The following EDC3 variants were observed in gnomAD, a reference collection of about 807,000 sequenced individuals.
The protein encoded by EDC3 is enhancer of mRNA decapping 3.
A neutral mutation model predicts 41.8 loss-of-function variants in EDC3; 20 were observed. The ratio of observed to expected loss-of-function variants is 0.48; its 90% confidence interval spans 0.34 to 0.70. The LOEUF (loss-of-function observed/expected upper bound fraction) is 0.70, where lower values mean the gene tolerates loss of function less well. EDC3 is among the 30% of genes least tolerant of loss of function. The pLI is 0.01. For synonymous variants in EDC3, 206 were observed against 243.2 expected (o/e 0.85, Z 1.42); for missense variants, 444 against 636.8 (o/e 0.70, Z 3.26).
intron 4 of EDC3, among the ~76,000 whole-genome samples, chr15:74,651,491 G>C (rs925849503): frequency 6.6e-6 from 1 of 152,250 alleles, no homozygotes; most frequent in Admixed American, 6.5e-5. Context: ...GCCAAGAGGA[G>C]TATGAGCAAT....
intron 1 of EDC3, among the ~76,000 whole-genome samples, chr15:74,690,365 C>A (rs140034217): frequency 6.6e-6 from 1 of 152,012 alleles, no homozygotes; most frequent in Non-Finnish European, 1.5e-5. Context: ...AGTCAGGTAG[C>A]GCTAAACACT....
chr15:74,635,039 C>G (rs2062254237), intron 6 of EDC3: 1 of 472,366 alleles, frequency 2.1e-6, no homozygotes, highest in South Asian at 1.5e-5. Context: ...TGTTTTTATC[C>G]ACATCACTTA....
chr15:74,679,354 T>A (rs1567178554), intron 1 of EDC3, among the ~76,000 whole-genome samples: 1 of 152,028 alleles, frequency 6.6e-6, no homozygotes, highest in East Asian at 1.9e-4. Flanking sequence ...TATTAACAAA[T>A]CAAATCCAGC....
chr15:74,656,406 A>AACAC (rs143925363), intron 3 of EDC3, among the ~76,000 whole-genome samples: 77,772 of 145,704 alleles, frequency 0.53, 21,456 homozygotes, highest in Admixed American at 0.65. Flanking sequence ...TCTGTCTCAA[A>AACAC]ACACACACAC....
intron 4 of EDC3, among the ~76,000 whole-genome samples, chr15:74,651,963 C>T (rs190518342): frequency 6.6e-6 from 1 of 152,340 alleles, no homozygotes; most frequent in African/African-American, 2.4e-5. Context: ...TCTGGCAAAA[C>T]AGTACACTGT....
At position 74,673,285 on chromosome 15, in the gene EDC3, C is replaced by T. The variant is rs148318989; in HGVS notation, c.165-1511G>A. On this transcript the variant is annotated intron_variant, in intron 2 of 6. Transcript: ENST00000315127. ...AGGGAGAAGGGATCAAGAGACATTTCGAATCCATACGATTTTGGCAACTAA... is the reference window on the plus strand; with the variant it reads ...AGGGAGAAGGGATCAAGAGACATTTTGAATCCATACGATTTTGGCAACTAA... 1.5e-3 allele frequency among the ~76,000 whole-genome samples: 233 copies of T among 152,090 alleles called. 1 individual carries two copies. Among genetic ancestry groups the T allele is most frequent in the Non-Finnish European group, 3.1e-3 (212 of 67,986 alleles).
intron 5 of EDC3, chr15:74,636,866 T>G (rs2062279642): frequency 6.6e-6 from 1 of 152,220 alleles, no homozygotes; most frequent in Non-Finnish European, 1.5e-5. Flanking sequence ...CTTTGTTCTC[T>G]AAAAGGGTTC....
intron 2 of EDC3, among the ~76,000 whole-genome samples, chr15:74,674,245 C>T (rs1254343831): frequency 1.3e-5 from 2 of 152,166 alleles, no homozygotes; most frequent in African/African-American, 2.4e-5. Context: ...GCTGCGATTA[C>T]AGGCACATGC....
At chr15:74,667,144 A>C (rs2141639635) in intron 3 of EDC3, among the ~76,000 whole-genome samples, 1 of 152,190 alleles carries the variant, frequency 6.6e-6, no homozygotes, top group South Asian at 2.1e-4. Flanking sequence ...CAGGTTTCTC[A>C]CTGTTGGAGT....
chr15:74,658,532 T>C (rs2062577950), intron 3 of EDC3, among the ~76,000 whole-genome samples: 1 of 144,966 alleles, frequency 6.9e-6, no homozygotes, highest in Non-Finnish European at 1.5e-5. Context: ...AGGTATACAC[T>C]ATGCAAATAC....
chr15:74,672,213 G>A (rs1329298484), intron 2 of EDC3, among the ~76,000 whole-genome samples: 1 of 148,476 alleles, frequency 6.7e-6, no homozygotes, highest in Non-Finnish European at 1.5e-5. Flanking sequence ...AGCTTGCAGT[G>A]AGCCGAGATC....
At chr15:74,670,547 A>C (rs2062727577) in intron 3 of EDC3, among the ~76,000 whole-genome samples, 1 of 152,202 alleles carries the variant, frequency 6.6e-6, no homozygotes, top group Non-Finnish European at 1.5e-5. Context: ...CTCCTGCCTC[A>C]GCCTCCAAAG....
chr15:74,645,297 G>A (rs2062399970), intron 4 of EDC3: 1 of 152,152 alleles, frequency 6.6e-6, no homozygotes, highest in Admixed American at 6.6e-5. Context: ...AAATTTTGCT[G>A]AGAGCAATCT....
intron 5 of EDC3, chr15:74,637,587 A>G (rs982915683): frequency 2.6e-5 from 4 of 152,062 alleles, no homozygotes; most frequent in African/African-American, 9.7e-5. Flanking sequence ...TAACACTCCA[A>G]CCCCCAACTC....
chr15:74,635,550 T>C lies in EDC3; in HGVS notation c.1051A>G (p.Ile351Val), dbSNP rs183071247. 6.2e-7 allele frequency: 1 copy of C among 1,614,244 alleles called. No homozygotes were observed. Among genetic ancestry groups the C allele is most frequent in the African/African-American group, 1.3e-5 (1 of 75,066 alleles). The change falls in exon 6 of 7, where the codon ATC (isoleucine) becomes GTC (valine). Residue 351 changes from isoleucine to valine, a missense_variant. Transcript: ENST00000315127. ...TTGGCTAGGTGCCTTCCACAGCTGA[T>C]ACCCTGAGCCCCCTTCACATGAGGT... ...CGPHVKGAQGISCGRHLANHD... is the reference protein window; with the variant it reads ...CGPHVKGAQGVSCGRHLANHD...
chr15:74,691,961 C>A (rs1448218501), intron 1 of EDC3, among the ~76,000 whole-genome samples: 1 of 152,126 alleles, frequency 6.6e-6, no homozygotes, highest in Non-Finnish European at 1.5e-5. Context: ...GGACTACAGG[C>A]GCCCACCAAC....
intron 5 of EDC3, chr15:74,638,887 A>AAAAAAC (rs1555451975): frequency 6.6e-6 from 1 of 151,130 alleles, no homozygotes; most frequent in African/African-American, 2.4e-5. Context: ...TTTACCTTAA[A>AAAAAAC]AACAACAACA....
chr15:74,669,944 A>C (rs1240246849), intron 3 of EDC3, among the ~76,000 whole-genome samples: 1 of 151,880 alleles, frequency 6.6e-6, no homozygotes, highest in Non-Finnish European at 1.5e-5. Flanking sequence ...CCCTGGCTCA[A>C]GCCATCCTTC....
chr15:74,634,146 A>C (rs147360432), intron 6 of EDC3, among the ~76,000 whole-genome samples: 209 of 152,204 alleles, frequency 1.4e-3, no homozygotes, highest in African/African-American at 4.7e-3. Flanking sequence ...ACCACTCATC[A>C]AGCTCACCAG....
Sources: allele counts gnomAD v4.1 joint callset (sites outside exome capture counted in the v4.1 genomes callset), GRCh38; gene constraint gnomAD v4.1.1; transcripts MANE v1.5; gene names NCBI Gene and HGNC (gene_info 2026-07-23, HGNC 2026-07-21).